Variants in PLD5 observed in about 807,000 individuals in gnomAD.
PLD5 encodes inactive phospholipase D5.
In PLD5, 36 loss-of-function variants were observed where a neutral mutation model predicts 61.1. The ratio of observed to expected loss-of-function variants is 0.59; its 90% CI spans 0.45 to 0.78. The LOEUF is 0.78. PLD5 is among the 30% of genes least tolerant of loss of function. The pLI is 0.00. For missense variants in PLD5, 515 were observed against 644.4 expected (o/e 0.80, Z 2.17); for synonymous variants, 243 against 242.8 (o/e 1.00, Z -0.01).
intron 5 of PLD5, among the ~76,000 whole-genome samples, chr1:242,206,961 G>C (rs987098026): frequency 6.6e-6 from 1 of 152,192 alleles, no homozygotes; most frequent in South Asian, 2.1e-4. Context: ...CTGCAGGGCA[G>C]AGCAGGCAGG....
At chr1:242,183,804 A>G in intron 5 of PLD5, among the ~76,000 whole-genome samples, 1 of 152,140 alleles carries the variant, frequency 6.6e-6, no homozygotes, top group Non-Finnish European at 1.5e-5. Flanking sequence ...CTGAGGCAGT[A>G]GAATGGCGTG....
chr1:242,448,030 A>ATTATTTATTTATTTAT (rs538224233), intron 1 of PLD5, among the ~76,000 whole-genome samples: 25 of 152,262 alleles, frequency 1.6e-4, no homozygotes, highest in Middle Eastern at 6.8e-3. Context: ...AGATATGTGC[A>ATTATTTATTTATTTAT]TTATTTATTT....
intron 5 of PLD5, among the ~76,000 whole-genome samples, chr1:242,199,355 A>G (rs1668841050): frequency 6.6e-6 from 1 of 151,942 alleles, no homozygotes; most frequent in East Asian, 1.9e-4. Context: ...CCCAGGTTCA[A>G]GTGATTCTTC....
intron 1 of PLD5, among the ~76,000 whole-genome samples, chr1:242,470,548 C>T (rs1667420687): frequency 6.6e-6 from 1 of 152,006 alleles, no homozygotes; most frequent in Admixed American, 6.6e-5. Context: ...TGCAATGTTA[C>T]AAGAATTAAG....
At chr1:242,470,743 T>G (rs986517707) in intron 1 of PLD5, among the ~76,000 whole-genome samples, 3 of 152,240 alleles carry the variant, frequency 2.0e-5, no homozygotes, top group Admixed American at 1.3e-4. Flanking sequence ...GATGGCATTC[T>G]TCTACTTTTC....
intron 4 of PLD5, among the ~76,000 whole-genome samples, chr1:242,220,326 G>GAAAAGAAAAT (rs1225630011): frequency 5.1e-4 from 78 of 151,844 alleles, no homozygotes; most frequent in Non-Finnish European, 1.0e-3. Context: ...GAAAAGAAAA[G>GAAAAGAAAAT]AAAAGAAAAA....
chr1:242,339,603 T>C (rs1170618502), intron 2 of PLD5, among the ~76,000 whole-genome samples: 1 of 152,238 alleles, frequency 6.6e-6, no homozygotes, highest in East Asian at 1.9e-4. Context: ...CTGAGTCTCT[T>C]GCTATACAAG....
intron 2 of PLD5, among the ~76,000 whole-genome samples, chr1:242,338,657 T>C (rs1213200360): frequency 6.6e-6 from 1 of 152,180 alleles, no homozygotes; most frequent in Non-Finnish European, 1.5e-5. Context: ...CCTTTAAATA[T>C]TAAATGCTAA....
Position 242,087,696 on chromosome 1 carries a change from T to C in PLD5, c.*2158A>G, listed in dbSNP as rs1659538811. 2 of 152,346 alleles carry C rather than the reference T, an allele frequency of 1.3e-5. No homozygotes were observed. The allele number at this position is 152,346 out of a possible 1,614,324, so 9.4% of individuals were successfully genotyped here. The stretch of plus-strand genomic sequence containing the variant: ...TTGGCCTCAAGCAATCCTCCTGCCT[T>C]GGCCTTCCAAAGCGCTGGGATGACA... On this transcript the variant is annotated 3_prime_UTR_variant, in exon 10 of 10. Transcript: ENST00000536534.
At chr1:242,216,918 T>G (rs564159480) in intron 5 of PLD5, among the ~76,000 whole-genome samples, 2 of 152,334 alleles carry the variant, frequency 1.3e-5, no homozygotes, top group Admixed American at 6.5e-5. Context: ...TCTACCATCA[T>G]AAAAATTGTG....
intron 5 of PLD5, among the ~76,000 whole-genome samples, chr1:242,201,104 G>A (rs1668959276): frequency 6.6e-6 from 1 of 152,182 alleles, no homozygotes; most frequent in Admixed American, 6.5e-5. Flanking sequence ...CAGTTGGTGG[G>A]TGGGGGTTAA....
At chr1:242,161,263 C>A (rs567662431) in intron 5 of PLD5, among the ~76,000 whole-genome samples, 10 of 152,186 alleles carry the variant, frequency 6.6e-5, no homozygotes, top group African/African-American at 2.2e-4. Flanking sequence ...GCATGTCTTA[C>A]ATGGCAGCAG....
rs145952689 is a variant in PLD5 at position 242,128,891 on chromosome 1, G to A, written c.736-4226C>T. ...ATTGCTGTGAAGAATAAATGAAAAG[G>A]CACAGGCAAATATTAGCTCAGTGCC... On this transcript the variant is annotated intron_variant, in intron 5 of 9. Transcript: ENST00000536534. Among the ~76,000 whole-genome samples the A allele has an allele frequency of 6.6e-5, 10 of 152,280 alleles. No individual in the cohort carries two copies. The East Asian group carries it at 1.9e-3, about 29-fold the overall frequency.
chr1:242,402,187 T>A (rs1230081554), intron 1 of PLD5, among the ~76,000 whole-genome samples: 2 of 152,204 alleles, frequency 1.3e-5, no homozygotes, highest in Admixed American at 6.5e-5. Context: ...TGTGACAGGA[T>A]AACTGTAAGA....
chr1:242,446,009 C>G (rs984002683), intron 1 of PLD5, among the ~76,000 whole-genome samples: 3 of 151,726 alleles, frequency 2.0e-5, no homozygotes, highest in African/African-American at 7.3e-5. Context: ...CTATTTTACA[C>G]AAATATATTA....
chr1:242,096,051 C>T (rs1000087208), intron 9 of PLD5, among the ~76,000 whole-genome samples: 3 of 150,192 alleles, frequency 2.0e-5, no homozygotes, highest in Non-Finnish European at 3.0e-5. Context: ...CTCCGCCTCC[C>T]GAGTTCATGC....
chr1:242,124,191 G>A (rs1662601565), intron 6 of PLD5, among the ~76,000 whole-genome samples: 1 of 152,122 alleles, frequency 6.6e-6, no homozygotes, highest in Non-Finnish European at 1.5e-5. Context: ...ACCTTCATTT[G>A]CAAAATGGAC....
chr1:242,500,737 T>C (rs1036875817), intron 1 of PLD5, among the ~76,000 whole-genome samples: 4 of 151,780 alleles, frequency 2.6e-5, no homozygotes, highest in African/African-American at 9.7e-5. Context: ...ACATCCAAAA[T>C]TGAGGGAGAC....
intron 1 of PLD5, among the ~76,000 whole-genome samples, chr1:242,492,649 A>T (rs1373525088): frequency 6.6e-6 from 1 of 152,166 alleles, no homozygotes; most frequent in Non-Finnish European, 1.5e-5. Flanking sequence ...TATGTGTCTT[A>T]GTCCAGGCTG....
Sources: gnomAD v4.1 joint callset for allele counts (sites outside exome capture counted in the v4.1 genomes callset) on GRCh38, gnomAD v4.1.1 for gene constraint, MANE v1.5 for transcripts, NCBI Gene and HGNC (gene_info 2026-07-23, HGNC 2026-07-21) for gene names.